MAD1L1: variants seen among roughly 807,000 people sequenced by gnomAD.
MAD1L1 encodes mitotic arrest deficient 1 like 1.
In MAD1L1, 95 loss-of-function variants were observed where a neutral mutation model predicts 96.9. That is an observed-to-expected ratio of 0.98 (90% CI 0.83 to 1.16). The LOEUF is 1.16. Among genes scored for constraint, MAD1L1 ranks in the 50% most tolerant of loss-of-function variants. The pLI is 0.00. For missense variants in MAD1L1, 1,007 were observed against 954.4 expected (o/e 1.06, Z -0.73); for synonymous variants, 473 against 396.6 (o/e 1.19, Z -2.29).
intron 16 of MAD1L1, among the ~76,000 whole-genome samples, chr7:1,950,480 G>C (rs971767257): frequency 2.0e-5 from 3 of 152,206 alleles, no homozygotes; most frequent in African/African-American, 7.2e-5. Flanking sequence ...ACTTCCACCC[G>C]AGTCCTTCAG....
intron 15 of MAD1L1, among the ~76,000 whole-genome samples, chr7:1,975,184 G>A (rs1780578582): frequency 6.6e-6 from 1 of 152,224 alleles, no homozygotes; most frequent in Non-Finnish European, 1.5e-5. Flanking sequence ...TCGGGGGAGG[G>A]AGAATGAGGC....
intron 18 of MAD1L1, among the ~76,000 whole-genome samples, chr7:1,843,302 A>G (rs1234990327): frequency 1.3e-5 from 2 of 151,680 alleles, no homozygotes; most frequent in African/African-American, 4.8e-5. Flanking sequence ...AAACGGTAAC[A>G]CTCTTCCCTC....
chr7:2,198,901 G>A (rs955798507), intron 10 of MAD1L1, among the ~76,000 whole-genome samples: 2 of 152,242 alleles, frequency 1.3e-5, no homozygotes, highest in Admixed American at 1.3e-4. Context: ...CAAAGCTCCA[G>A]CCACTCGGAG....
intron 16 of MAD1L1, among the ~76,000 whole-genome samples, chr7:1,957,247 G>A (rs377352920): frequency 1.8e-4 from 27 of 152,326 alleles, no homozygotes; most frequent in African/African-American, 6.3e-4. Context: ...CGGTAACCTC[G>A]AACCTGAGGG....
chr7:2,041,037 C>T (rs1783650509), intron 12 of MAD1L1, among the ~76,000 whole-genome samples: 1 of 152,176 alleles, frequency 6.6e-6, no homozygotes, highest in South Asian at 2.1e-4. Flanking sequence ...ACAAGGGCTC[C>T]ATCCTACCCC....
rs567540048 is a variant in MAD1L1, at chr7:2,047,696, CAT to C, written c.1218+21496_1218+21497del. On this transcript the variant is annotated intron_variant, in intron 12 of 18. Coordinates refer to ENST00000265854, the MANE Select transcript of MAD1L1 (RefSeq NM_001013836.2). ...CACATGTGCGCACACAGCACTCACA[CAT>C]GTGCATGCTCAGACACATGCACACA... 3.9e-4 allele frequency among the ~76,000 whole-genome samples: 60 copies of C among 152,328 alleles called. 2 individuals carry two copies. The South Asian group carries it at 0.012, about 31-fold the overall frequency.
Position 1,911,993 on chromosome 7 carries a change from T to G in MAD1L1, c.1808-13603A>C, listed in dbSNP as rs988138782. On this transcript the variant is annotated intron_variant, in intron 17 of 18. Transcript: ENST00000265854. ...CAGGGCAGAAGTGGTGGGAGTGGGCTGGGTTCCACATCCCCTCAGACACTT... is the reference window on the plus strand; with the variant it reads ...CAGGGCAGAAGTGGTGGGAGTGGGCGGGGTTCCACATCCCCTCAGACACTT... 2.6e-5 allele frequency among the ~76,000 whole-genome samples: 4 copies of G among 152,252 alleles called. No homozygotes were observed. The East Asian group carries it at 7.7e-4, about 29-fold the overall frequency.
At chr7:1,832,411 C>CTGGTGAAAATGCTGTGAACAT (rs1782742055) in intron 18 of MAD1L1, among the ~76,000 whole-genome samples, 2 of 151,366 alleles carry the variant, frequency 1.3e-5, no homozygotes, top group African/African-American at 4.9e-5. Flanking sequence ...GAATCTGCTC[C>CTGGTGAAAATGCTGTGAACAT]TGGTGAAAAT....
intron 16 of MAD1L1, among the ~76,000 whole-genome samples, chr7:1,951,976 T>G (rs948037561): frequency 6.6e-6 from 1 of 152,142 alleles, no homozygotes; most frequent in Admixed American, 6.5e-5. Context: ...CTGGTCAGTG[T>G]GGTGAAACAA....
chr7:2,008,619 C>T (rs1782143600), intron 13 of MAD1L1, among the ~76,000 whole-genome samples: 1 of 152,222 alleles, frequency 6.6e-6, no homozygotes, highest in South Asian at 2.1e-4. Flanking sequence ...CACCAGATGC[C>T]AAGCCTGCTC....
At chr7:1,935,705 C>T (rs552693847) in intron 17 of MAD1L1, among the ~76,000 whole-genome samples, 5 of 152,342 alleles carry the variant, frequency 3.3e-5, no homozygotes, top group Admixed American at 6.5e-5. Flanking sequence ...CAGTACAGGG[C>T]GCGATGGCAA....
intron 11 of MAD1L1, among the ~76,000 whole-genome samples, chr7:2,129,657 G>A (rs1788416790): frequency 6.6e-6 from 1 of 152,250 alleles, no homozygotes. Flanking sequence ...ACGAGAGCAA[G>A]GTGGCAAGAC....
At chr7:1,850,256 G>T (rs1182354129) in intron 18 of MAD1L1, among the ~76,000 whole-genome samples, 3 of 152,132 alleles carry the variant, frequency 2.0e-5, no homozygotes, top group African/African-American at 7.2e-5. Context: ...CAGGTCCCGA[G>T]GGCCCCTCTG....
At chr7:1,891,072 T>A (rs1018785914) in intron 18 of MAD1L1, among the ~76,000 whole-genome samples, 8 of 151,848 alleles carry the variant, frequency 5.3e-5, no homozygotes, top group Non-Finnish European at 1.2e-4. Flanking sequence ...GCAGCAAGGA[T>A]GGGCAGAGGG....
At chr7:2,125,752 C>T (rs1452476521) in intron 11 of MAD1L1, among the ~76,000 whole-genome samples, 2 of 152,240 alleles carry the variant, frequency 1.3e-5, no homozygotes, top group Non-Finnish European at 2.9e-5. Context: ...CCACCTCCAG[C>T]TAAGGGCTTC....
chr7:1,906,049 CAAAAAAAAAAA>C (rs10570929), intron 17 of MAD1L1, among the ~76,000 whole-genome samples: 3 of 91,976 alleles, frequency 3.3e-5, no homozygotes, highest in Non-Finnish European at 6.4e-5. Flanking sequence ...GACTCCATCT[CAAAAAAAAAAA>C]AAAAAAAAAA....
At chr7:2,212,444 T>C (rs1332121572) in intron 10 of MAD1L1, among the ~76,000 whole-genome samples, 1 of 152,148 alleles carries the variant, frequency 6.6e-6, no homozygotes, top group African/African-American at 2.4e-5. Flanking sequence ...GTGCTGAAAG[T>C]GGGGCCCCGT....
intron 18 of MAD1L1, among the ~76,000 whole-genome samples, chr7:1,863,155 C>T (rs544990612): frequency 2.0e-5 from 3 of 152,382 alleles, no homozygotes; most frequent in African/African-American, 2.4e-5. Flanking sequence ...CAGATCTGAG[C>T]GCACGAGGAG....
chr7:2,037,126 T>C (rs538644333), intron 12 of MAD1L1, among the ~76,000 whole-genome samples: 1 of 151,844 alleles, frequency 6.6e-6, no homozygotes, highest in African/African-American at 2.4e-5. Context: ...CAGGCCCAGG[T>C]ACACATCAGA....
Sources: allele counts gnomAD v4.1 joint callset (sites outside exome capture counted in the v4.1 genomes callset), GRCh38; gene constraint gnomAD v4.1.1; transcripts MANE v1.5; gene names NCBI Gene and HGNC (gene_info 2026-07-23, HGNC 2026-07-21).